AQP2: variants seen among roughly 807,000 people sequenced by gnomAD.
The protein encoded by AQP2 is aquaporin-2.
A neutral mutation model predicts 21.6 loss-of-function variants in AQP2; 20 were observed. The ratio of observed to expected loss-of-function variants is 0.92; its 90% confidence interval spans 0.65 to 1.34. The LOEUF (loss-of-function observed/expected upper bound fraction) is 1.34. AQP2 is among the 40% of genes most tolerant of loss of function. The pLI is 0.00. For missense variants in AQP2, 325 were observed against 363.4 expected (o/e 0.89, Z 0.86); for synonymous variants, 168 against 166.9 (o/e 1.01, Z -0.05).
intron 2 of AQP2, 50 bp from the exon 3 acceptor site, chr12:49,954,565 GGGACAAGGACTTCCT>G: frequency 8.3e-6 from 13 of 1,566,408 alleles, no homozygotes; most frequent in Non-Finnish European, 1.1e-5. Flanking sequence ...ACTGCAGTGC[GGGACAAGGACTTCCT>G]GCCCTGTCCT....
At chr12:49,953,768 C>A (rs1334134306) in intron 1 of AQP2, among the ~76,000 whole-genome samples, 1 of 152,210 alleles carries the variant, frequency 6.6e-6, no homozygotes, top group Non-Finnish European at 1.5e-5. Context: ...AGAGGAAGGT[C>A]TTCCTGCTAA....
chr12:49,957,205 A>G lies in AQP2; in HGVS notation c.*1597A>G, dbSNP rs1486889191. 1.3e-5 allele frequency: 2 copies of G among 152,262 alleles called. No individual in the cohort carries two copies. Among genetic ancestry groups the G allele is most frequent in the Non-Finnish European group, 2.9e-5 (2 of 68,042 alleles). 9.4% of individuals were successfully genotyped at this position (152,262 alleles called of 1,614,324 possible). On this transcript the variant is annotated 3_prime_UTR_variant, in exon 4 of 4. Coordinates refer to ENST00000199280, the MANE Select transcript of AQP2 (RefSeq NM_000486.6). Reference sequence around the variant, plus strand: ...AAGCAAAGGAGAGTCCTGGGAGCCCACAAGATCCAGGCAGAAGGAGATGGG... The same window carrying G: ...AAGCAAAGGAGAGTCCTGGGAGCCCGCAAGATCCAGGCAGAAGGAGATGGG...
rs1432422853 is a variant in AQP2 at position 49,957,347 on chromosome 12, C to T, written c.*1739C>T. The T allele has an allele frequency of 6.6e-6, 1 of 152,358 alleles. No homozygotes were observed. The highest frequency in any genetic ancestry group is 2.4e-5 in the African/African-American group (1 of 41,428). 9.4% of individuals were successfully genotyped at this position (152,358 alleles called of 1,614,324 possible). A position where few individuals can be genotyped will look rare whatever the true frequency, so the allele number is the denominator to read the frequency against. ...ACCCAGCCCTATCCATTCTCTCCTT[C>T]CCTCTCCAGCCTGCTGTATAAGTAA... is the stretch of plus-strand genomic sequence containing the variant. On this transcript the variant is annotated 3_prime_UTR_variant, in exon 4 of 4. Transcript: ENST00000199280.
chr12:49,955,618 G>T lies in AQP2; in HGVS notation c.*10G>T. The T allele has an allele frequency of 6.5e-7, 1 of 1,548,196 alleles. No individual in the cohort carries two copies. The highest frequency in any genetic ancestry group is 8.7e-7 in the Non-Finnish European group (1 of 1,153,036). ...GGGTACCAAGGCCTGAGGGCCGCCA[G>T]CGGCCTCTACGGCCCCGACGGACGC... is the stretch of plus-strand genomic sequence containing the variant. On this transcript the variant is annotated 3_prime_UTR_variant, in exon 4 of 4. Coordinates refer to ENST00000199280, the MANE Select transcript of AQP2 (RefSeq NM_000486.6).
Position 49,955,222 on chromosome 12 carries a change from C to T in AQP2, c.607-177C>T, listed in dbSNP as rs541468701. Among the ~76,000 whole-genome samples the T allele has an allele frequency of 3.9e-5, 6 of 152,342 alleles. No individual in the cohort carries two copies. The South Asian group carries it at 1.2e-3, about 32-fold the overall frequency. On this transcript the variant is annotated intron_variant, in intron 3 of 3. Coordinates refer to ENST00000199280, the MANE Select transcript of AQP2 (RefSeq NM_000486.6). ...GCTTCAGAATTCGCACCCTTAACCC[C>T]GCACTGACAAGGCTTCCCCAGCAGC...
chr12:49,954,435 A>ACACC (rs1417122385), intron 2 of AQP2, 116 bp downstream of exon 2: 3 of 1,317,984 alleles, frequency 2.3e-6, no homozygotes, highest in Non-Finnish European at 3.2e-6. Flanking sequence ...AGAGGAACAG[A>ACACC]CACCCCAGAG....
Position 49,958,152 on chromosome 12 carries a change from C to T in AQP2, c.*2544C>T, listed in dbSNP as rs1947386671. The stretch of plus-strand genomic sequence containing the variant: ...CAGATAGGTTAGGGAAGGACAAAGG[C>T]CCCCAGCCATGAAGGGTTTTGCTAT... On this transcript the variant is annotated 3_prime_UTR_variant, in exon 4 of 4. Coordinates refer to ENST00000199280, the MANE Select transcript of AQP2 (RefSeq NM_000486.6). The T allele has an allele frequency of 6.6e-6, 1 of 152,146 alleles. No homozygotes were observed. Among genetic ancestry groups the T allele is most frequent in the Non-Finnish European group, 1.5e-5 (1 of 68,030 alleles). The allele number at this position is 152,146 out of a possible 1,614,324, so 9.4% of individuals were successfully genotyped here.
chr12:49,950,786 T>C lies in AQP2; in HGVS notation c.-45T>C. 6.3e-7 allele frequency: 1 copy of C among 1,591,436 alleles called. No individual in the cohort carries two copies. Among genetic ancestry groups the C allele is most frequent in the Non-Finnish European group, 8.6e-7 (1 of 1,165,948 alleles). On this transcript the variant is annotated 5_prime_UTR_variant, in exon 1 of 4. Transcript: ENST00000199280. ...AGTGCGAGAGCGAGTGCCCGGAGCATCCTGGCCCTGAGACAGCTGGGCCAG... is the reference window on the plus strand; with the variant it reads ...AGTGCGAGAGCGAGTGCCCGGAGCACCCTGGCCCTGAGACAGCTGGGCCAG...
rs104894333 is a variant in AQP2 at position 49,954,168 on chromosome 12, C to T, written c.374C>T (p.Thr125Met). The part of the protein sequence containing the change: ...DLAVNALSNS[T>M]TAGQAVTVEL... ...CTCTGTCCCCAGCTCAGCAACAGCACGACGGCTGGCCAGGCGGTGACTGTG... is the reference window on the plus strand; with the variant it reads ...CTCTGTCCCCAGCTCAGCAACAGCATGACGGCTGGCCAGGCGGTGACTGTG... The change falls in exon 2 of 4, where the codon ACG (threonine) becomes ATG (methionine). Residue 125 changes from threonine to methionine, a missense_variant. By Grantham distance (81) the Thr-to-Met change is moderately conservative (BLOSUM62 -1). Coordinates refer to ENST00000199280, the MANE Select transcript of AQP2 (RefSeq NM_000486.6). 14 of 1,599,382 alleles carry T rather than the reference C, an allele frequency of 8.8e-6. No homozygotes were observed. Among genetic ancestry groups the T allele is most frequent in the African/African-American group, 6.7e-5 (5 of 75,004 alleles).
Position 49,957,721 on chromosome 12 carries a change from T to A in AQP2, c.*2113T>A, listed in dbSNP as rs1297352719. ...CTTGGCCTCACTACCAGAAGAAGGG[T>A]GGAGTCAGAAACCAAAGTGACCTCC... On this transcript the variant is annotated 3_prime_UTR_variant, in exon 4 of 4. Transcript: ENST00000199280. The A allele has an allele frequency of 6.6e-6, 1 of 151,978 alleles. No individual in the cohort carries two copies. Among genetic ancestry groups the A allele is most frequent in the Admixed American group, 6.6e-5 (1 of 15,256 alleles). The allele number at this position is 151,978 out of a possible 1,614,324, so 9.4% of individuals were successfully genotyped here. A position where few individuals can be genotyped will look rare whatever the true frequency, so the allele number is the denominator to read the frequency against.
rs1242947540 is a variant in AQP2 at position 49,955,819 on chromosome 12, G to A, written c.*211G>A. ...GAGCCTGGCAGGTCCCCTGCCCTGA[G>A]GCTGTGAGCAGCTAGTGGTGGCTTC... is the stretch of plus-strand genomic sequence containing the variant. On this transcript the variant is annotated 3_prime_UTR_variant, in exon 4 of 4. Transcript: ENST00000199280. The A allele has an allele frequency of 1.4e-6, 1 of 733,518 alleles. No homozygotes were observed. Among genetic ancestry groups the A allele is most frequent in the Non-Finnish European group, 2.4e-6 (1 of 418,840 alleles). 45.4% of individuals were successfully genotyped at this position (733,518 alleles called of 1,614,324 possible).
chr12:49,950,922 C>G lies in AQP2; in HGVS notation c.92C>G (p.Ala31Gly), dbSNP rs1304396038. ...TTCGTCTTCTTTGGCCTCGGCTCTGCCCTCAACTGGCCACAGGCCCTGCCC... is the reference window on the plus strand; with the variant it reads ...TTCGTCTTCTTTGGCCTCGGCTCTGGCCTCAACTGGCCACAGGCCCTGCCC... ...LLFVFFGLGS[A>G]LNWPQALPSV... The change falls in exon 1 of 4, where the codon GCC (alanine) becomes GGC (glycine). Residue 31 changes from alanine (A) to glycine (G), a missense_variant. Transcript: ENST00000199280. 4 of 1,614,094 alleles carry G rather than the reference C, an allele frequency of 2.5e-6. No individual in the cohort carries two copies. Among genetic ancestry groups the G allele is most frequent in the Non-Finnish European group, 3.4e-6 (4 of 1,180,032 alleles).
rs1254726402 is a variant in AQP2, at chr12:49,955,526, A to T, written c.734A>T (p.Asp245Val). The T allele has an allele frequency of 6.2e-7, 1 of 1,611,802 alleles. No homozygotes were observed. The highest frequency in any genetic ancestry group is 1.1e-5 in the South Asian group (1 of 90,948). Residue 245 changes from aspartate (D) to valine (V), a missense_variant, in exon 4 of 4, where the codon GAT becomes GTT. Asp to Val is a radical substitution (Grantham distance 152). Transcript: ENST00000199280. ...AVLKGLEPDT[D>V]WEEREVRRRQ... ...CTGAAGGGCCTGGAGCCGGACACCG[A>T]TTGGGAGGAGCGCGAGGTGCGACGG...
At position 49,956,009 on chromosome 12, in the gene AQP2, T is replaced by G. The variant is rs1001604847; in HGVS notation, c.*401T>G. ...GGAATGATGCAACTGGTTTTACTAG[T>G]GTGCAAGTGTGTTCATCCCCAAGTT... is the stretch of plus-strand genomic sequence containing the variant. On this transcript the variant is annotated 3_prime_UTR_variant, in exon 4 of 4. Coordinates refer to ENST00000199280, the MANE Select transcript of AQP2 (RefSeq NM_000486.6). 6.8e-5 allele frequency: 24 copies of G among 354,908 alleles called. No homozygotes were observed. The highest frequency in any genetic ancestry group is 4.4e-4 in the African/African-American group (21 of 47,836). The allele number at this position is 354,908 out of a possible 1,614,324, so 22.0% of individuals were successfully genotyped here.
Position 49,954,271 on chromosome 12 carries a change from C to A in AQP2, c.477C>A (p.Thr159=), listed in dbSNP as rs1947350157. ...AGCGCCGCGGAGAGAACCCGGGCAC[C>A]CCTGCTCTCTCCATAGGCTTCTCTG... ...TDERRGENPG[T]PALSIGFSVA... Residue 159 remains threonine (T), a synonymous_variant, in exon 2 of 4, where the codon ACC becomes ACA. Transcript: ENST00000199280. The A allele has an allele frequency of 6.2e-7, 1 of 1,608,880 alleles. No homozygotes were observed. Among genetic ancestry groups the A allele is most frequent in the African/African-American group, 1.3e-5 (1 of 75,036 alleles).
In AQP2 at chr12:49,956,133, C is replaced by T. The variant is rs757837854; in HGVS notation, c.*525C>T. 23 of 165,772 alleles carry T rather than the reference C, an allele frequency of 1.4e-4. No individual in the cohort carries two copies. The highest frequency in any genetic ancestry group is 2.1e-4 in the Non-Finnish European group (16 of 76,102). The allele number at this position is 165,772 out of a possible 1,614,324, so 10.3% of individuals were successfully genotyped here. A position where few individuals can be genotyped will look rare whatever the true frequency, so the allele number is the denominator to read the frequency against. On this transcript the variant is annotated 3_prime_UTR_variant, in exon 4 of 4. Coordinates refer to ENST00000199280, the MANE Select transcript of AQP2 (RefSeq NM_000486.6). ...GCATGGCTGGGGACTTCTCACTTCCCCTTGCACCCCTTCCTCCCCAACCTG... is the reference window on the plus strand; with the variant it reads ...GCATGGCTGGGGACTTCTCACTTCCTCTTGCACCCCTTCCTCCCCAACCTG...
intron 1 of AQP2, among the ~76,000 whole-genome samples, chr12:49,952,467 G>C (rs1947337215): frequency 1.3e-5 from 2 of 152,192 alleles, no homozygotes; most frequent in South Asian, 4.1e-4. Context: ...GGAAAGGCTA[G>C]GTGGGCAAGC....
chr12:49,953,420 C>T (rs994277278), intron 1 of AQP2, among the ~76,000 whole-genome samples: 2 of 152,192 alleles, frequency 1.3e-5, no homozygotes, highest in African/African-American at 4.8e-5. Flanking sequence ...CCTCTTTACT[C>T]AGCCCCGAGT....
In AQP2 at chr12:49,955,711, AGC is replaced by A; in HGVS notation, c.*106_*107del. The A allele has an allele frequency of 7.3e-7, 1 of 1,376,178 alleles. No homozygotes were observed. 85.2% of individuals were successfully genotyped at this position (1,376,178 alleles called of 1,614,324 possible). On this transcript the variant is annotated 3_prime_UTR_variant, in exon 4 of 4. Transcript: ENST00000199280. ...CCCGCAGGTCTGAAGTTGGCCCCCC[AGC>A]GCAGAGTAGCTGCTTCCTGGACGTG...
Sources: gnomAD v4.1 joint callset for allele counts (sites outside exome capture counted in the v4.1 genomes callset) on GRCh38, gnomAD v4.1.1 for gene constraint, MANE v1.5 for transcripts, NCBI Gene and HGNC (gene_info 2026-07-23, HGNC 2026-07-21) for gene names.